Variants in SRFBP1 observed in about 807,000 individuals in gnomAD.
SRFBP1 encodes serum response factor-binding protein 1.
Under a neutral mutation model 45.5 loss-of-function variants are expected in SRFBP1, and 47 were observed. The observed-to-expected ratio is 1.03, with a 90% CI of 0.82 to 1.32. SRFBP1 has a LOEUF of 1.32. SRFBP1 is among the 40% of genes most tolerant of loss of function. The pLI, the probability that SRFBP1 is intolerant of heterozygous loss-of-function variation, is 0.00. For synonymous variants in SRFBP1, 203 were observed against 166.3 expected, an observed-to-expected ratio of 1.22 and a Z score of -1.70; for missense variants, 621 against 484.6, an observed-to-expected ratio of 1.28 and a Z score of -2.64.
At chr5:122,070,228 T>C in intron 2 of SRFBP1, 1 of 961,248 alleles carries the variant, frequency 1.0e-6, no homozygotes, top group Non-Finnish European at 1.7e-6. Flanking sequence ...ATAAGGAAAT[T>C]GTTAATGAGG....
intron 4 of SRFBP1, among the ~76,000 whole-genome samples, chr5:122,012,305 A>T (rs573737890): frequency 6.6e-6 from 1 of 152,278 alleles, no homozygotes; most frequent in South Asian, 2.1e-4. Context: ...ATTAGAAGCT[A>T]AAAATATTAA....
chr5:121,971,318 G>C (rs1752190216), intron 1 of SRFBP1, among the ~76,000 whole-genome samples: 1 of 151,974 alleles, frequency 6.6e-6, no homozygotes, highest in South Asian at 2.1e-4. Flanking sequence ...CAATTTGAAA[G>C]ATAATTAGGA....
intron 2 of SRFBP1, among the ~76,000 whole-genome samples, chr5:122,041,453 T>C (rs1322063615): frequency 6.6e-6 from 1 of 152,190 alleles, no homozygotes; most frequent in East Asian, 1.9e-4. Flanking sequence ...GTTATTTGTT[T>C]GTGGGAGCTC....
rs17148773 is a variant in SRFBP1 at position 122,067,364 on chromosome 5, C to T, written n.312-7951C>T. 1.8e-3 allele frequency among the ~76,000 whole-genome samples: 268 copies of T among 151,524 alleles called. 4 individuals carry two copies. In the East Asian group the frequency reaches 0.041, roughly 23 times the overall value. On this transcript the variant is annotated intron_variant and non_coding_transcript_variant, in intron 2 of 2. Transcript: ENST00000504881. The stretch of plus-strand genomic sequence containing the variant: ...AAAGAAGCCTCAGAGTCACCTGGTC[C>T]GTACATTTTGTTTCAGTGAGGAAAA...
At chr5:122,018,333 G>T (rs948557890) in intron 4 of SRFBP1, among the ~76,000 whole-genome samples, 3 of 152,222 alleles carry the variant, frequency 2.0e-5, no homozygotes, top group Admixed American at 1.3e-4. Context: ...GGTGAGAGGT[G>T]TTGGTGATTT....
chr5:121,972,383 T>G (rs1580498732), intron 1 of SRFBP1, among the ~76,000 whole-genome samples: 1 of 151,830 alleles, frequency 6.6e-6, no homozygotes, highest in East Asian at 1.9e-4. Flanking sequence ...GGACGGAGAC[T>G]AGAGGATTTA....
At chr5:122,011,308 T>G (rs546026352) in intron 4 of SRFBP1, among the ~76,000 whole-genome samples, 2 of 152,222 alleles carry the variant, frequency 1.3e-5, no homozygotes, top group African/African-American at 2.4e-5. Context: ...TGTTTTCCCT[T>G]TTTTATTTAA....
At chr5:121,991,051 G>C (rs941075013) in intron 3 of SRFBP1, among the ~76,000 whole-genome samples, 1 of 152,106 alleles carries the variant, frequency 6.6e-6, no homozygotes, top group Non-Finnish European at 1.5e-5. Context: ...TTGATGTATT[G>C]TCAGGTAAGG....
chr5:121,965,520 G>C (rs1347441737), intron 1 of SRFBP1, among the ~76,000 whole-genome samples: 1 of 152,136 alleles, frequency 6.6e-6, no homozygotes, highest in Non-Finnish European at 1.5e-5. Flanking sequence ...TGTTGTTTCT[G>C]AGGCCTCTGT....
intron 1 of SRFBP1, among the ~76,000 whole-genome samples, chr5:121,967,043 T>A (rs1177982896): frequency 6.7e-6 from 1 of 150,314 alleles, no homozygotes; most frequent in East Asian, 2.0e-4. Context: ...TCCGCCTGCC[T>A]CAGCCTCCCA....
intron 4 of SRFBP1, among the ~76,000 whole-genome samples, chr5:121,999,492 C>T (rs1048519532): frequency 2.6e-5 from 4 of 151,856 alleles, no homozygotes; most frequent in African/African-American, 7.3e-5. Context: ...TCAGATTATC[C>T]ATATTTTTAC....
intron 2 of SRFBP1, among the ~76,000 whole-genome samples, chr5:122,046,643 A>C (rs570339130): frequency 4.6e-5 from 7 of 152,324 alleles, no homozygotes; most frequent in African/African-American, 1.7e-4. Context: ...CAATGGTTGA[A>C]CTAGTTTACA....
rs139057185 is a variant in SRFBP1, at chr5:122,050,569, G to A, written n.312-24746G>A. 4.3e-3 allele frequency among the ~76,000 whole-genome samples: 658 copies of A among 152,006 alleles called. 1 individual carries two copies. The highest frequency in any genetic ancestry group is 0.014 in the Middle Eastern group (4 of 294). ...AGTCTCTGTTGGGTTTTATTTGTTT[G>A]TTTGTTTGTATTTCTGTGGGGTCAG... On this transcript the variant is annotated intron_variant and non_coding_transcript_variant, in intron 2 of 2. Coordinates refer to the SRFBP1 transcript ENST00000504881.
downstream of SRFBP1, among the ~76,000 whole-genome samples, chr5:122,033,264 G>A (rs1490530748): frequency 1.3e-5 from 2 of 150,034 alleles, no homozygotes; most frequent in East Asian, 2.0e-4. Context: ...ATATTTTTCC[G>A]TTTGTCAATT....
chr5:121,987,283 A>G (rs747484970), intron 3 of SRFBP1, among the ~76,000 whole-genome samples: 6 of 152,162 alleles, frequency 3.9e-5, no homozygotes, highest in Non-Finnish European at 5.9e-5. Flanking sequence ...TGAGCTGTCT[A>G]ATCCTAGCAG....
rs764988213 is a variant in SRFBP1, at chr5:122,020,152, T to C, written c.417T>C (p.Ala139=). ...CTGAAGTTGAGTCATCAAAGAATGC[T>C]TCAGAGGACAATCATTCTGAGAATA... ...NVAEVESSKN[A]SEDNHSENTL... is the part of the protein sequence containing the mutation. Residue 139 remains alanine, a synonymous_variant, in exon 6 of 8, where the codon GCT becomes GCC. Coordinates refer to ENST00000339397, the MANE Select transcript of SRFBP1 (RefSeq NM_152546.3). 6 of 1,604,750 alleles carry C rather than the reference T, an allele frequency of 3.7e-6. No homozygotes were observed. The highest frequency in any genetic ancestry group is 5.1e-6 in the Non-Finnish European group (6 of 1,177,068).
intron 7 of SRFBP1, among the ~76,000 whole-genome samples, chr5:122,023,139 C>T (rs1160106648): frequency 6.6e-6 from 1 of 152,184 alleles, no homozygotes; most frequent in East Asian, 1.9e-4. Context: ...CACATGACCC[C>T]ATCTAGCCAC....
At chr5:122,066,643 C>A in intron 2 of SRFBP1, 1 of 964,906 alleles carries the variant, frequency 1.0e-6, no homozygotes, top group South Asian at 1.5e-5. Flanking sequence ...GTTTTCTGTT[C>A]TCTTTTTCAA....
intron 2 of SRFBP1, among the ~76,000 whole-genome samples, chr5:122,049,591 C>G (rs1436602852): frequency 3.9e-5 from 6 of 151,926 alleles, no homozygotes; most frequent in Non-Finnish European, 7.4e-5. Context: ...CAGCACCACC[C>G]CGCACTTATA....
Sources: allele counts gnomAD v4.1 joint callset (sites outside exome capture counted in the v4.1 genomes callset), GRCh38; gene constraint gnomAD v4.1.1; transcripts MANE v1.5; gene names NCBI Gene and HGNC (gene_info 2026-07-23, HGNC 2026-07-21).